The following TCF12 variants were observed in gnomAD, a reference collection of about 807,000 sequenced individuals.
The protein encoded by TCF12 is transcription factor 12.
In TCF12, 45 loss-of-function variants were observed where a neutral mutation model predicts 86.0. The ratio of observed to expected loss-of-function variants is 0.52; its 90% confidence interval spans 0.41 to 0.67. The LOEUF is 0.67. Among genes scored for constraint, TCF12 ranks in the 30% least tolerant of loss-of-function variants. TCF12 has a pLI of 0.00. For missense variants in TCF12, 881 were observed against 859.9 expected, an observed-to-expected ratio of 1.02 and a Z score of -0.31; for synonymous variants, 330 against 299.6, an observed-to-expected ratio of 1.10 and a Z score of -1.05.
intron 8 of TCF12, among the ~76,000 whole-genome samples, chr15:57,209,486 C>G (rs112679456): frequency 6.6e-6 from 1 of 152,132 alleles, no homozygotes; most frequent in Non-Finnish European, 1.5e-5. Flanking sequence ...AAATAAGTTA[C>G]GGTTTCATTG....
At position 57,192,290 on chromosome 15, in the gene TCF12, C is replaced by T; in HGVS notation, c.523C>T (p.Leu175Phe). 2 of 1,613,824 alleles carry T rather than the reference C, an allele frequency of 1.2e-6. No individual in the cohort carries two copies. Among genetic ancestry groups the T allele is most frequent in the Non-Finnish European group, 1.7e-6 (2 of 1,179,906 alleles). Residue 175 changes from leucine to phenylalanine, a missense_variant, in exon 7 of 21, where the codon CTT (leucine) becomes TTT (phenylalanine). By Grantham distance (22) the Leu-to-Phe change is conservative. Around this residue, in one of 3 missense-constraint regions of TCF12, gnomAD observed 766 missense variants for 718.9 expected, o/e 1.07. Transcript: ENST00000333725. ...RRRPLHDSAA[L>F]DPLQAKKVRK... ...GAGACCACTCCATGACTCTGCAGCG[C>T]TTGGTGAGTGTATCACACAACAAAT...
intron 3 of TCF12, among the ~76,000 whole-genome samples, chr15:57,015,487 C>T (rs2065102537): frequency 6.6e-6 from 1 of 152,260 alleles, no homozygotes. Context: ...GTAGCCATTG[C>T]TCAGTTATTC....
intron 8 of TCF12, among the ~76,000 whole-genome samples, chr15:57,222,758 ATTTTTTTTTTTT>A (rs57645813): frequency 4.4e-5 from 2 of 45,522 alleles, no homozygotes; most frequent in Admixed American, 3.8e-4. Context: ...AAGGACTGCC[ATTTTTTTTTTTT>A]TTTTTTTTTT....
chr15:57,225,906 A>G (rs1306007523), intron 8 of TCF12, among the ~76,000 whole-genome samples: 1 of 151,724 alleles, frequency 6.6e-6, no homozygotes, highest in Non-Finnish European at 1.5e-5. Flanking sequence ...CATGTGCACA[A>G]TGTGCAGGTT....
chr15:57,108,437 G>A (rs1009669406), intron 5 of TCF12, among the ~76,000 whole-genome samples: 2 of 152,138 alleles, frequency 1.3e-5, no homozygotes, highest in African/African-American at 4.8e-5. Flanking sequence ...GGTTTTGACT[G>A]TCTTTTATAA....
At chr15:57,218,853 C>T (rs531832315) in intron 8 of TCF12, among the ~76,000 whole-genome samples, 5 of 152,238 alleles carry the variant, frequency 3.3e-5, no homozygotes, top group Admixed American at 2.0e-4. Flanking sequence ...CAGTTTTCCT[C>T]AACATAATTT....
intron 5 of TCF12, among the ~76,000 whole-genome samples, chr15:57,119,422 G>A (rs1232498255): frequency 6.7e-6 from 1 of 149,666 alleles, no homozygotes; most frequent in East Asian, 2.0e-4. Flanking sequence ...CAAACCGCTG[G>A]AATTATAGGC....
chr15:56,949,720 C>G (rs1382623893), intron 3 of TCF12, among the ~76,000 whole-genome samples: 2 of 152,158 alleles, frequency 1.3e-5, no homozygotes, highest in African/African-American at 4.8e-5. Context: ...AGATATGGCC[C>G]TTCTGGAAGA....
At chr15:57,083,662 G>A (rs778203362) in intron 4 of TCF12, among the ~76,000 whole-genome samples, 4 of 152,134 alleles carry the variant, frequency 2.6e-5, no homozygotes, top group African/African-American at 7.2e-5. Flanking sequence ...CTGGCTCACT[G>A]CAGCCCCCAA....
chr15:57,206,967 G>A (rs377232546), intron 8 of TCF12, among the ~76,000 whole-genome samples: 7 of 151,322 alleles, frequency 4.6e-5, no homozygotes, highest in African/African-American at 9.7e-5. Context: ...AAAATTGGTC[G>A]TGGTAGTGTG....
chr15:57,283,755 T>A (rs1420146061), intron 20 of TCF12, among the ~76,000 whole-genome samples: 1 of 152,338 alleles, frequency 6.6e-6, no homozygotes, highest in East Asian at 1.9e-4. Flanking sequence ...TTTGATAGAT[T>A]GTTTGATAGA....
At chr15:57,018,730 T>C (rs1429883537) in intron 3 of TCF12, among the ~76,000 whole-genome samples, 1 of 152,178 alleles carries the variant, frequency 6.6e-6, no homozygotes, top group African/African-American at 2.4e-5. Flanking sequence ...CATGAGCCAC[T>C]GTGCCCTAGC....
chr15:57,173,470 T>C (rs2055674638), intron 6 of TCF12, among the ~76,000 whole-genome samples: 1 of 151,774 alleles, frequency 6.6e-6, no homozygotes, highest in Non-Finnish European at 1.5e-5. Context: ...AAATAAATCA[T>C]AAAGTTAACC....
chr15:57,016,100 A>AG (rs2065139257), intron 3 of TCF12, among the ~76,000 whole-genome samples: 1 of 152,210 alleles, frequency 6.6e-6, no homozygotes, highest in Admixed American at 6.5e-5. Context: ...TGTACCCTGC[A>AG]GGTAGTTTAT....
At chr15:56,966,344 A>G (rs1029591343) in intron 3 of TCF12, among the ~76,000 whole-genome samples, 4 of 152,196 alleles carry the variant, frequency 2.6e-5, no homozygotes, top group African/African-American at 4.8e-5. Context: ...AGGTTTTGCC[A>G]TTACTTTCAA....
chr15:57,212,978 T>C (rs925339408), intron 8 of TCF12, among the ~76,000 whole-genome samples: 2 of 152,222 alleles, frequency 1.3e-5, no homozygotes, highest in Non-Finnish European at 2.9e-5. Context: ...AGAATACTTC[T>C]GCCCTACTGC....
intron 3 of TCF12, among the ~76,000 whole-genome samples, chr15:57,037,224 G>A (rs778323758): frequency 7.9e-5 from 12 of 152,064 alleles, no homozygotes; most frequent in Non-Finnish European, 1.6e-4. Context: ...CAAGGCGAGC[G>A]GATCACCTGA....
At chr15:57,193,361 C>A (rs892051731) in intron 7 of TCF12, among the ~76,000 whole-genome samples, 1 of 152,180 alleles carries the variant, frequency 6.6e-6, no homozygotes, top group Non-Finnish European at 1.5e-5. Flanking sequence ...AGTTCTGAAA[C>A]GTTACTGCAA....
chr15:57,223,917 A>G (rs2058746413), intron 8 of TCF12, among the ~76,000 whole-genome samples: 2 of 151,918 alleles, frequency 1.3e-5, no homozygotes, highest in South Asian at 4.1e-4. Flanking sequence ...AATAGGGAAA[A>G]CATGAAGTCA....
Sources: allele counts gnomAD v4.1 joint callset (sites outside exome capture counted in the v4.1 genomes callset), GRCh38; gene constraint gnomAD v4.1.1; regional missense constraint gnomAD v4.1.1; transcripts MANE v1.5; gene names NCBI Gene and HGNC (gene_info 2026-07-23, HGNC 2026-07-21).